Variants in KCNH7 observed in about 807,000 individuals in gnomAD.
The protein encoded by KCNH7 is potassium voltage-gated channel subfamily H member 7, also known as voltage-gated inwardly rectifying potassium channel KCNH7.
KCNH7 carries 49 observed loss-of-function variants against 120.8 expected under a neutral mutation model. The ratio of observed to expected loss-of-function variants is 0.41; its 90% CI spans 0.32 to 0.51. The LOEUF (loss-of-function observed/expected upper bound fraction) is 0.51. Ranked by LOEUF, KCNH7 falls within the 20% of genes least tolerant of loss-of-function variation. The pLI is 0.38. For missense variants in KCNH7, 1,097 were observed against 1,446.6 expected, an observed-to-expected ratio of 0.76 and a Z score of 3.92; for synonymous variants, 547 against 516.1, an observed-to-expected ratio of 1.06 and a Z score of -0.81.
At chr2:162,767,100 T>G (rs1249301268) in intron 2 of KCNH7, among the ~76,000 whole-genome samples, 1 of 152,170 alleles carries the variant, frequency 6.6e-6, no homozygotes, top group Non-Finnish European at 1.5e-5. Context: ...ATAATATGAA[T>G]GTAAAATAAT....
At chr2:162,779,348 G>A (rs1041781354) in intron 2 of KCNH7, among the ~76,000 whole-genome samples, 7 of 151,964 alleles carry the variant, frequency 4.6e-5, no homozygotes, top group Admixed American at 3.3e-4. Context: ...CTACAGGCAT[G>A]TGCCACCAAG....
chr2:162,538,075 T>C (rs1173059884), intron 2 of KCNH7: 1 of 152,090 alleles, frequency 6.6e-6, no homozygotes, highest in Non-Finnish European at 1.5e-5. Flanking sequence ...TAAAGTATTT[T>C]TAAAATGCCA....
chr2:162,821,942 T>C (rs571958148), intron 2 of KCNH7, among the ~76,000 whole-genome samples: 2 of 151,722 alleles, frequency 1.3e-5, no homozygotes, highest in African/African-American at 4.8e-5. Flanking sequence ...TGTTTTAATA[T>C]AGCTGAAAGA....
intron 2 of KCNH7, among the ~76,000 whole-genome samples, chr2:162,600,037 T>C (rs1422925449): frequency 6.6e-6 from 1 of 152,090 alleles, no homozygotes. Context: ...AAGGTCATTT[T>C]TAATTCTAGT....
intron 6 of KCNH7, among the ~76,000 whole-genome samples, chr2:162,447,362 C>CAAA (rs768974174): frequency 9.9e-4 from 151 of 151,894 alleles, no homozygotes; most frequent in Non-Finnish European, 1.6e-3. Context: ...AAACAAAAGT[C>CAAA]AAAACAAAAA....
chr2:162,717,960 A>T lies in KCNH7; in HGVS notation c.307+118577T>A, dbSNP rs182673776. 5.3e-5 allele frequency among the ~76,000 whole-genome samples: 8 copies of T among 152,068 alleles called. 1 individual carries two copies. In the East Asian group the frequency reaches 1.5e-3, roughly 29 times the overall value. On this transcript the variant is annotated intron_variant, in intron 2 of 15. Coordinates refer to ENST00000332142, the MANE Select transcript of KCNH7 (RefSeq NM_033272.4). ...ATGCCACATTTAACTGACATGATTA[A>T]CTCCAAACATCCATTTAACTTCTCA...
At position 162,820,184 on chromosome 2, in the gene KCNH7, C is replaced by T. The variant is rs187800522; in HGVS notation, c.307+16353G>A. Among the ~76,000 whole-genome samples the T allele has an allele frequency of 4.7e-4, 69 of 148,118 alleles. No individual in the cohort carries two copies. The South Asian group carries it at 8.3e-3, about 18-fold the overall frequency. ...CCTCAGGAGTAGCTGGGATTACAGG[C>T]GCCCAGCACCACGCCCGGCTAATTT... On this transcript the variant is annotated intron_variant, in intron 2 of 15. Coordinates refer to ENST00000332142, the MANE Select transcript of KCNH7 (RefSeq NM_033272.4).
chr2:162,670,790 G>A (rs1221756265), intron 2 of KCNH7, among the ~76,000 whole-genome samples: 1 of 150,550 alleles, frequency 6.6e-6, no homozygotes, highest in Non-Finnish European at 1.5e-5. Flanking sequence ...CCAAAAAGGT[G>A]GAAAAAATCA....
At chr2:162,409,247 C>T (rs559005010) in intron 9 of KCNH7, among the ~76,000 whole-genome samples, 1 of 151,754 alleles carries the variant, frequency 6.6e-6, no homozygotes, top group South Asian at 2.1e-4. Flanking sequence ...ATAAGAAAAG[C>T]AGAGGCATGG....
At chr2:162,486,834 T>A (rs189086395) in intron 6 of KCNH7, among the ~76,000 whole-genome samples, 9 of 152,160 alleles carry the variant, frequency 5.9e-5, no homozygotes, top group African/African-American at 2.2e-4. Flanking sequence ...TGAAAAAAGT[T>A]TGAGATATAT....
chr2:162,476,419 AAACTATCATTT>A (rs1689748858), intron 6 of KCNH7, among the ~76,000 whole-genome samples: 1 of 152,226 alleles, frequency 6.6e-6, no homozygotes, highest in African/African-American at 2.4e-5. Flanking sequence ...CATTATCCTG[AAACTATCATTT>A]AACTTCTTAT....
chr2:162,708,098 A>G (rs966773822), intron 2 of KCNH7, among the ~76,000 whole-genome samples: 9 of 151,736 alleles, frequency 5.9e-5, no homozygotes, highest in African/African-American at 1.9e-4. Context: ...TCTCCCTTCT[A>G]CAATGTAATA....
intron 2 of KCNH7, among the ~76,000 whole-genome samples, chr2:162,648,675 G>C (rs1220583961): frequency 1.3e-5 from 2 of 152,022 alleles, no homozygotes; most frequent in East Asian, 1.9e-4. Context: ...GACAAACTGT[G>C]GCCCAGAGCC....
At chr2:162,516,086 A>G (rs2105781455) in intron 4 of KCNH7, among the ~76,000 whole-genome samples, 1 of 151,864 alleles carries the variant, frequency 6.6e-6, no homozygotes, top group South Asian at 2.1e-4. Flanking sequence ...TGGTCTTCTC[A>G]ATGTTACACC....
chr2:162,758,229 T>G (rs1344002414), intron 2 of KCNH7, among the ~76,000 whole-genome samples: 5 of 152,078 alleles, frequency 3.3e-5, no homozygotes, highest in African/African-American at 9.7e-5. Flanking sequence ...TCAGGGAAGG[T>G]TCTCTGGAGG....
rs79167313 is a variant in KCNH7 at position 162,747,255 on chromosome 2, A to G, written c.307+89282T>C. On this transcript the variant is annotated intron_variant, in intron 2 of 15. Coordinates refer to ENST00000332142, the MANE Select transcript of KCNH7 (RefSeq NM_033272.4). ...AGTTGAATGAGTAAGAAAACTGTGA[A>G]TCTTAAAAAGAAGCTTTATTTAAAT... Among the ~76,000 whole-genome samples, 1,042 of 152,260 alleles carry G rather than the reference A, an allele frequency of 6.8e-3. 33 individuals carry two copies. The East Asian group carries it at 0.11, about 16-fold the overall frequency.
chr2:162,747,562 G>T (rs546248845), intron 2 of KCNH7, among the ~76,000 whole-genome samples: 1 of 152,128 alleles, frequency 6.6e-6, no homozygotes, highest in Non-Finnish European at 1.5e-5. Context: ...GAGTGACAGC[G>T]AATGTGTAGG....
intron 2 of KCNH7, among the ~76,000 whole-genome samples, chr2:162,541,699 A>G (rs1692308653): frequency 6.6e-6 from 1 of 152,084 alleles, no homozygotes; most frequent in Non-Finnish European, 1.5e-5. Context: ...GAGGCGGGGG[A>G]TCGGGGAAAG....
chr2:162,525,958 G>A (rs1414529223), intron 3 of KCNH7, among the ~76,000 whole-genome samples: 1 of 151,460 alleles, frequency 6.6e-6, no homozygotes, highest in African/African-American at 2.4e-5. Flanking sequence ...TCTATCGGGG[G>A]AAATTCAGCC....
Sources: allele counts gnomAD v4.1 joint callset (sites outside exome capture counted in the v4.1 genomes callset), GRCh38; gene constraint gnomAD v4.1.1; transcripts MANE v1.5; gene names NCBI Gene and HGNC (gene_info 2026-07-23, HGNC 2026-07-21).